Variants in TDP1 observed in about 807,000 individuals in gnomAD.
The protein encoded by TDP1 is tyrosyl-DNA phosphodiesterase 1.
A neutral mutation model predicts 81.5 loss-of-function variants in TDP1; 64 were observed. The ratio of observed to expected loss-of-function variants is 0.79; its 90% confidence interval spans 0.64 to 0.97. The LOEUF is 0.97. Among genes scored for constraint, TDP1 ranks in the 50% least tolerant of loss-of-function variants. The probability of loss-of-function intolerance (pLI) is 0.00; values close to 1 mark genes in which losing one functional copy is unlikely to be tolerated. For missense variants in TDP1, 723 were observed against 743.8 expected (o/e 0.97, Z 0.33); for synonymous variants, 256 against 264.3 (o/e 0.97, Z 0.30).
intron 15 of TDP1, among the ~76,000 whole-genome samples, chr14:90,030,184 G>C (rs8007657): frequency 6.6e-6 from 1 of 152,192 alleles, no homozygotes; most frequent in Non-Finnish European, 1.5e-5. Context: ...AGGTGCTGCC[G>C]AGCTGGCCTG....
intron 15 of TDP1, among the ~76,000 whole-genome samples, chr14:90,027,282 T>G (rs1478919356): frequency 6.6e-6 from 1 of 152,138 alleles, no homozygotes; most frequent in African/African-American, 2.4e-5. Context: ...CTCCCCTGGA[T>G]GAACTGACCC....
intron 15 of TDP1, among the ~76,000 whole-genome samples, chr14:90,031,800 C>T (rs1347802270): frequency 6.6e-6 from 1 of 152,168 alleles, no homozygotes; most frequent in East Asian, 1.9e-4. Context: ...TTTCCACTCC[C>T]ACCTGACCAA....
chr14:89,968,759 T>G (rs1449348428), intron 5 of TDP1, among the ~76,000 whole-genome samples: 1 of 152,168 alleles, frequency 6.6e-6, no homozygotes, highest in African/African-American at 2.4e-5. Flanking sequence ...TTAAAGACCT[T>G]GAAATCAAAC....
intron 10 of TDP1, among the ~76,000 whole-genome samples, chr14:89,987,867 A>G (rs1266304376): frequency 1.3e-5 from 2 of 152,102 alleles, no homozygotes; most frequent in African/African-American, 4.8e-5. Context: ...AAAATAATTG[A>G]AAAAATACAT....
intron 9 of TDP1, 135 bp downstream of exon 9, chr14:89,984,818 A>G (rs557799353): frequency 1.3e-6 from 2 of 1,574,576 alleles, no homozygotes; most frequent in East Asian, 4.6e-5. Flanking sequence ...TGAGGGGATG[A>G]GCAGATTCTA....
At position 89,963,434 on chromosome 14, in the gene TDP1, A is replaced by C; in HGVS notation, c.320A>C (p.Lys107Thr). 2 of 1,613,872 alleles carry C rather than the reference A, an allele frequency of 1.2e-6. No homozygotes were observed. Among genetic ancestry groups the C allele is most frequent in the South Asian group, 2.2e-5 (2 of 91,074 alleles). Residue 107 changes from lysine to threonine, a missense_variant, in exon 3 of 17, where the codon AAA (lysine) becomes ACA (threonine). Lys to Thr is a moderately conservative substitution (Grantham distance 78). Coordinates refer to ENST00000335725, the MANE Select transcript of TDP1 (RefSeq NM_018319.4). Reference protein sequence around the residue: ...QPEMPQKQAEKVVIKKEKDIS... With the variant: ...QPEMPQKQAETVVIKKEKDIS... ...GAAATGCCGCAGAAGCAGGCTGAGA[A>C]AGTGGTGATCAAAAAGGAGAAAGAC...
At chr14:89,966,234 C>G (rs1339747193) in intron 4 of TDP1, 44 bp downstream of exon 4, 1 of 1,317,310 alleles carries the variant, frequency 7.6e-7, no homozygotes, top group South Asian at 1.2e-5. Flanking sequence ...TGAAAGTAGA[C>G]AGGTAATTAA....
intron 15 of TDP1, chr14:90,022,845 C>A: frequency 1.3e-6 from 1 of 791,366 alleles, no homozygotes; most frequent in Non-Finnish European, 1.5e-6. Context: ...TGTCGTTTCG[C>A]TGAGTTTATA....
chr14:89,970,916 G>A, intron 5 of TDP1: 2 of 260,366 alleles, frequency 7.7e-6, no homozygotes, highest in Non-Finnish European at 1.2e-5. Flanking sequence ...TCGGCTCACT[G>A]CAACCTTCAC....
chr14:89,962,667 C>T (rs35983931), intron 2 of TDP1, among the ~76,000 whole-genome samples: 3,176 of 151,484 alleles, frequency 0.021, 106 homozygotes, highest in African/African-American at 0.072. Context: ...AGTTCAAGGC[C>T]AGCCTGGGCA....
intron 2 of TDP1, chr14:89,962,833 C>G: frequency 1.2e-6 from 1 of 815,070 alleles, no homozygotes; most frequent in Non-Finnish European, 1.5e-6. Flanking sequence ...GATTGAACCA[C>G]TGCACCACTC....
chr14:90,014,137 C>G (rs2140238451), intron 14 of TDP1, among the ~76,000 whole-genome samples: 1 of 152,234 alleles, frequency 6.6e-6, no homozygotes, highest in East Asian at 1.9e-4. Flanking sequence ...CCAGTGTTCT[C>G]AAGAGTCTAA....
chr14:90,033,751 A>C (rs1177279370), intron 16 of TDP1: 1 of 164,908 alleles, frequency 6.1e-6, no homozygotes, highest in Admixed American at 5.8e-5. Context: ...AAGAAATGTA[A>C]CAATAATAAA....
chr14:89,956,281 G>A (rs551268846), intron 1 of TDP1: 2 of 152,418 alleles, frequency 1.3e-5, no homozygotes, highest in Admixed American at 6.5e-5. Context: ...GCTTACAGGT[G>A]CGTGGTCCCA....
Position 90,043,534 on chromosome 14 carries a change from C to A in TDP1, c.*391C>A. ...GGGACCCAAATCTAAACACAAAATTCATTTATGTTTCATATACACCTTATA... is the reference window on the plus strand; with the variant it reads ...GGGACCCAAATCTAAACACAAAATTAATTTATGTTTCATATACACCTTATA... On this transcript the variant is annotated 3_prime_UTR_variant, in exon 17 of 17. Transcript: ENST00000335725. 3.1e-6 allele frequency: 1 copy of A among 320,504 alleles called. No individual in the cohort carries two copies. The highest frequency in any genetic ancestry group is 6.0e-6 in the Non-Finnish European group (1 of 168,060). The allele number at this position is 320,504 out of a possible 1,614,324, so 19.9% of individuals were successfully genotyped here.
intron 15 of TDP1, among the ~76,000 whole-genome samples, chr14:90,027,145 C>T (rs546120506): frequency 1.6e-4 from 24 of 152,008 alleles, no homozygotes; most frequent in East Asian, 3.9e-4. Context: ...TTTTAATGAT[C>T]GCCATTCTAA....
chr14:90,027,350 G>T (rs1886786448), intron 15 of TDP1, among the ~76,000 whole-genome samples: 1 of 151,824 alleles, frequency 6.6e-6, no homozygotes, highest in Non-Finnish European at 1.5e-5. Context: ...ACATGTCAGG[G>T]TCTGTGTTCC....
intron 14 of TDP1, among the ~76,000 whole-genome samples, chr14:89,995,824 C>T (rs149901898): frequency 1.3e-5 from 2 of 152,326 alleles, no homozygotes; most frequent in African/African-American, 4.8e-5. Flanking sequence ...GTCTCTTTCA[C>T]TATTCCCTCA....
chr14:89,964,782 C>T (rs79761833), intron 3 of TDP1: 6,759 of 371,196 alleles, frequency 0.018, 425 homozygotes, highest in African/African-American at 0.13. Flanking sequence ...AAATAACCGG[C>T]AATTAGCACC....
Sources: gnomAD v4.1 joint callset for allele counts (sites outside exome capture counted in the v4.1 genomes callset) on GRCh38, gnomAD v4.1.1 for gene constraint, MANE v1.5 for transcripts, NCBI Gene and HGNC (gene_info 2026-07-23, HGNC 2026-07-21) for gene names.